Variants in ASIC2 observed in about 807,000 individuals in gnomAD.
ASIC2 encodes the protein acid-sensing ion channel 2.
A neutral mutation model predicts 57.3 loss-of-function variants in ASIC2; 25 were observed. The ratio of observed to expected loss-of-function variants is 0.44; its 90% CI spans 0.32 to 0.61. The LOEUF (loss-of-function observed/expected upper bound fraction) is 0.61, where lower values mean the gene tolerates loss of function less well. ASIC2 is among the 20% of genes least tolerant of loss of function. The pLI, the probability that ASIC2 is intolerant of heterozygous loss-of-function variation, is 0.06. For missense variants in ASIC2, 641 were observed against 738.1 expected, an observed-to-expected ratio of 0.87 and a Z score of 1.52; for synonymous variants, 319 against 307.5, an observed-to-expected ratio of 1.04 and a Z score of -0.39.
At chr17:33,176,206 G>A (rs188209479) in intron 1 of ASIC2, among the ~76,000 whole-genome samples, 2 of 152,320 alleles carry the variant, frequency 1.3e-5, no homozygotes, top group East Asian at 3.9e-4. Flanking sequence ...CTACAGTGCT[G>A]TAACACTGTC....
intron 1 of ASIC2, among the ~76,000 whole-genome samples, chr17:33,236,999 G>A (rs1269781295): frequency 6.6e-6 from 1 of 152,176 alleles, no homozygotes; most frequent in African/African-American, 2.4e-5. Context: ...GCAGCCCTAA[G>A]ACAGGAGATG....
chr17:33,381,824 C>T (rs1909499636), intron 1 of ASIC2, among the ~76,000 whole-genome samples: 1 of 152,182 alleles, frequency 6.6e-6, no homozygotes, highest in African/African-American at 2.4e-5. Flanking sequence ...ATACCAAGTT[C>T]CATAAAATTC....
chr17:33,863,056 C>T (rs1780391992), intron 1 of ASIC2, among the ~76,000 whole-genome samples: 1 of 152,208 alleles, frequency 6.6e-6, no homozygotes, highest in African/African-American at 2.4e-5. Context: ...TTCAGGAGCG[C>T]AAGTGGCACC....
At chr17:33,737,349 A>C (rs1909947144) in intron 1 of ASIC2, among the ~76,000 whole-genome samples, 1 of 152,232 alleles carries the variant, frequency 6.6e-6, no homozygotes, top group Non-Finnish European at 1.5e-5. Flanking sequence ...CAGGACCATG[A>C]CCTCAAACCA....
rs934299484 is a variant in ASIC2, at chr17:33,610,696, A to C, written c.556-498629T>G. On this transcript the variant is annotated intron_variant, in intron 1 of 9. Coordinates refer to the ASIC2 transcript ENST00000359872. ...CTGGGCAACAAAAAGAGACCCCCAG[A>C]TTCTGCAATAAATAAATAAAAAATA... Among the ~76,000 whole-genome samples, 4 of 151,428 alleles carry C rather than the reference A, an allele frequency of 2.6e-5. No homozygotes were observed. In the South Asian group the frequency reaches 8.3e-4, roughly 31 times the overall value.
chr17:33,831,636 C>T (rs939245813), intron 1 of ASIC2, among the ~76,000 whole-genome samples: 11 of 151,912 alleles, frequency 7.2e-5, no homozygotes, highest in African/African-American at 2.7e-4. Flanking sequence ...GAAATGTCTA[C>T]TCCTGATTTG....
At chr17:34,105,814 T>C (rs535481877) in intron 1 of ASIC2, among the ~76,000 whole-genome samples, 84 of 152,218 alleles carry the variant, frequency 5.5e-4, no homozygotes, top group Non-Finnish European at 8.7e-4. Flanking sequence ...TTTATATATA[T>C]TGTAGACATT....
chr17:33,209,091 G>A (rs972270354), intron 1 of ASIC2, among the ~76,000 whole-genome samples: 2 of 152,136 alleles, frequency 1.3e-5, no homozygotes, highest in Non-Finnish European at 2.9e-5. Context: ...CACTCTTAGA[G>A]GTAGAAGAGC....
At chr17:34,068,571 T>G (rs78724257) in intron 1 of ASIC2, among the ~76,000 whole-genome samples, 1 of 152,296 alleles carries the variant, frequency 6.6e-6, no homozygotes, top group East Asian at 1.9e-4. Context: ...GGGTCTTAGC[T>G]TTTTCCTGTA....
chr17:33,126,368 G>A (rs755545878), intron 1 of ASIC2, among the ~76,000 whole-genome samples: 3 of 152,190 alleles, frequency 2.0e-5, no homozygotes, highest in African/African-American at 4.8e-5. Flanking sequence ...ACATGGAAAC[G>A]AAGTCCAGTC....
intron 1 of ASIC2, among the ~76,000 whole-genome samples, chr17:33,662,123 A>G (rs570296760): frequency 5.9e-5 from 9 of 152,244 alleles, no homozygotes; most frequent in African/African-American, 1.9e-4. Flanking sequence ...CAAGGTGAAA[A>G]TCATTATTAC....
In ASIC2 at chr17:34,110,447, T is replaced by C. The variant is rs553354440; in HGVS notation, c.555+45531A>G. Among the ~76,000 whole-genome samples the C allele has an allele frequency of 9.3e-4, 141 of 152,328 alleles. 1 individual carries two copies. The Middle Eastern group carries it at 0.01, about 11-fold the overall frequency. On this transcript the variant is annotated intron_variant, in intron 1 of 9. Coordinates refer to the ASIC2 transcript ENST00000359872. The stretch of plus-strand genomic sequence containing the variant: ...CCCCTGGCTCTCCCAGCCTCTCTGC[T>C]GCCGCTGCCTCAGGATTGATCATTA...
intron 1 of ASIC2, among the ~76,000 whole-genome samples, chr17:33,424,905 C>T (rs1255556501): frequency 1.3e-5 from 2 of 152,180 alleles, no homozygotes; most frequent in Non-Finnish European, 1.5e-5. Flanking sequence ...GCCACTTGCA[C>T]CTTCTTTTTG....
chr17:33,067,987 A>G (rs2141946623), intron 3 of ASIC2, among the ~76,000 whole-genome samples: 1 of 152,244 alleles, frequency 6.6e-6, no homozygotes, highest in Admixed American at 6.5e-5. Flanking sequence ...CTGGAGAGAG[A>G]GGGCTCCGGG....
At chr17:33,184,608 T>C (rs956092170) in intron 1 of ASIC2, among the ~76,000 whole-genome samples, 2 of 152,112 alleles carry the variant, frequency 1.3e-5, no homozygotes, top group African/African-American at 4.8e-5. Context: ...TTTGACCTGG[T>C]TTCATCTGAA....
intron 1 of ASIC2, among the ~76,000 whole-genome samples, chr17:33,995,010 T>C (rs1056251454): frequency 7.9e-5 from 12 of 152,164 alleles, no homozygotes; most frequent in Admixed American, 7.2e-4. Flanking sequence ...AAAGAAATCC[T>C]GAGATGTGTT....
At chr17:34,101,965 T>C (rs941411715) in intron 1 of ASIC2, among the ~76,000 whole-genome samples, 1 of 152,182 alleles carries the variant, frequency 6.6e-6, no homozygotes, top group Non-Finnish European at 1.5e-5. Context: ...AGTTCTACTT[T>C]TACATTTTAT....
intron 1 of ASIC2, among the ~76,000 whole-genome samples, chr17:33,175,368 G>A (rs766522047): frequency 2.0e-5 from 3 of 152,066 alleles, no homozygotes; most frequent in Admixed American, 2.0e-4. Context: ...AGCAAATCCC[G>A]TGGGTAGCTT....
chr17:34,031,573 GAGGAAATTCGAAC>G (rs1907613708), intron 1 of ASIC2, among the ~76,000 whole-genome samples: 5 of 152,130 alleles, frequency 3.3e-5, no homozygotes, highest in African/African-American at 1.2e-4. Flanking sequence ...CAAGCTACAG[GAGGAAATTCGAAC>G]CAATGGCAAA....
Sources: gnomAD v4.1 joint callset for allele counts (sites outside exome capture counted in the v4.1 genomes callset) on GRCh38, gnomAD v4.1.1 for gene constraint, MANE v1.5 for transcripts, NCBI Gene and HGNC (gene_info 2026-07-23, HGNC 2026-07-21) for gene names.